Variants in C2CD3 observed in about 807,000 individuals in gnomAD.
C2CD3 encodes the protein C2 domain-containing protein 3.
A neutral mutation model predicts 234.0 loss-of-function variants in C2CD3; 148 were observed. The ratio of observed to expected loss-of-function variants is 0.63; its 90% CI spans 0.55 to 0.72. The LOEUF is 0.72. Ranked by LOEUF, C2CD3 falls within the 30% of genes least tolerant of loss-of-function variation. The pLI is 0.00. For missense variants in C2CD3, 2,577 were observed against 2,811.5 expected, an observed-to-expected ratio of 0.92 and a Z score of 1.89; for synonymous variants, 1,000 against 1,035.4, an observed-to-expected ratio of 0.97 and a Z score of 0.66.
At chr11:74,166,452 T>TGGCA (rs901785569) in intron 2 of C2CD3, among the ~76,000 whole-genome samples, 2 of 152,210 alleles carry the variant, frequency 1.3e-5, no homozygotes, top group African/African-American at 4.8e-5. Context: ...ATTTGGGTGC[T>TGGCA]GGCACATTTG....
intron 7 of C2CD3, among the ~76,000 whole-genome samples, chr11:74,126,405 C>G (rs966415206): frequency 1.3e-5 from 2 of 152,128 alleles, no homozygotes; most frequent in African/African-American, 4.8e-5. Flanking sequence ...CCATAAACAG[C>G]TTTATTGAGA....
intron 22 of C2CD3, among the ~76,000 whole-genome samples, chr11:74,080,054 A>T (rs1299320583): frequency 2.6e-5 from 4 of 152,208 alleles, no homozygotes; most frequent in African/African-American, 9.6e-5. Context: ...GCAGTTGCCT[A>T]AGTCTCATAT....
rs762278054 is a variant in C2CD3 at position 74,138,758 on chromosome 11, A to G, written c.917T>C (p.Leu306Pro). 43 of 1,612,944 alleles carry G rather than the reference A, an allele frequency of 2.7e-5. 1 individual carries two copies. Among genetic ancestry groups the G allele is most frequent in the Middle Eastern group, 1.6e-4 (1 of 6,080 alleles). The change falls in exon 5 of 33, where the codon CTT (leucine) becomes CCT (proline). Residue 306 changes from leucine (L) to proline (P), a missense_variant. Physicochemically the swap from Leu to Pro is moderately conservative, Grantham distance 98. Transcript: ENST00000334126. ...VAKSHSDSCI[L>P]SSNNLPTKDL... is the part of the protein sequence containing the mutation. ...CTTGGTAGGGAGGTTGTTTGAAGAA[A>G]GAATGCATGAGTCACTGTGACTCTT...
chr11:74,085,111 C>G, intron 21 of C2CD3, 141 bp from the exon 22 acceptor site: 2 of 533,034 alleles, frequency 3.8e-6, no homozygotes, highest in Admixed American at 3.3e-5. Context: ...CTTGCTCTTG[C>G]TCATGCCCCA....
At chr11:74,052,811 T>C (rs575380639) in intron 26 of C2CD3, among the ~76,000 whole-genome samples, 113 of 152,280 alleles carry the variant, frequency 7.4e-4, no homozygotes, top group Admixed American at 2.1e-3. Context: ...GAAAGGTCAG[T>C]CAATTCCCTT....
intron 3 of C2CD3, among the ~76,000 whole-genome samples, chr11:74,157,840 C>T (rs1269683396): frequency 6.6e-6 from 1 of 152,164 alleles, no homozygotes; most frequent in Non-Finnish European, 1.5e-5. Context: ...ATCTATCACA[C>T]AGTATGTATT....
intron 3 of C2CD3, among the ~76,000 whole-genome samples, chr11:74,153,428 T>C (rs1855809910): frequency 1.3e-5 from 2 of 152,214 alleles, no homozygotes; most frequent in Admixed American, 1.3e-4. Context: ...GATGACATCA[T>C]TGTCTATAGA....
chr11:74,084,615 TCAA>T (rs144241181), intron 22 of C2CD3, among the ~76,000 whole-genome samples: 1,713 of 152,016 alleles, frequency 0.011, 31 homozygotes, highest in African/African-American at 0.04. Flanking sequence ...ATCTATAAAA[TCAA>T]CCTCTTCTGC....
At chr11:74,090,780 G>A (rs759376323) in intron 20 of C2CD3, 33 bp downstream of exon 20, 2 of 1,613,292 alleles carry the variant, frequency 1.2e-6, no homozygotes. Flanking sequence ...CAGTGTAAAA[G>A]GCTTGAGAAT....
chr11:74,083,518 G>A (rs938950066), intron 22 of C2CD3, among the ~76,000 whole-genome samples: 14 of 152,210 alleles, frequency 9.2e-5, no homozygotes, highest in Admixed American at 8.5e-4. Flanking sequence ...CTACAGAATG[G>A]AAGAAAATTT....
chr11:74,145,965 C>A (rs1436743505), intron 3 of C2CD3, among the ~76,000 whole-genome samples: 1 of 152,092 alleles, frequency 6.6e-6, no homozygotes, highest in Non-Finnish European at 1.5e-5. Flanking sequence ...TTTATTTTGA[C>A]TTCAACAAGA....
intron 3 of C2CD3, among the ~76,000 whole-genome samples, chr11:74,158,722 CAA>C (rs199754445): frequency 2.3e-5 from 3 of 131,002 alleles, no homozygotes; most frequent in African/African-American, 2.7e-5. Context: ...AACTTCGTCT[CAA>C]AAAAAAAAAG....
Position 74,028,407 on chromosome 11 carries a change from G to A in C2CD3, c.6810-9C>T. Reference sequence around the variant, plus strand: ...CCACAATGGGCCCTGGGCTACAATGGTAGTTAAGGGACAAAAATACCTAGA... The same window carrying A: ...CCACAATGGGCCCTGGGCTACAATGATAGTTAAGGGACAAAAATACCTAGA... On this transcript the variant is annotated splice_polypyrimidine_tract_variant and intron_variant, in intron 31 of 32. Transcript: ENST00000334126. The A allele has an allele frequency of 6.6e-7, 1 of 1,523,086 alleles. No homozygotes were observed. The highest frequency in any genetic ancestry group is 8.8e-7 in the Non-Finnish European group (1 of 1,136,676). 94.3% of individuals were successfully genotyped at this position (1,523,086 alleles called of 1,614,324 possible). A position where few individuals can be genotyped will look rare whatever the true frequency, so the allele number is the denominator to read the frequency against.
chr11:74,103,786 C>T (rs1348352194), intron 13 of C2CD3, among the ~76,000 whole-genome samples, 161 bp from the exon 14 acceptor site: 3 of 152,132 alleles, frequency 2.0e-5, no homozygotes, highest in Non-Finnish European at 4.4e-5. Context: ...CATTAACTTG[C>T]TAGACTAAGA....
chr11:74,090,773 T>C (rs199704936), intron 20 of C2CD3, 40 bp downstream of exon 20: 9 of 1,612,220 alleles, frequency 5.6e-6, no homozygotes, highest in Non-Finnish European at 7.6e-6. Flanking sequence ...ATGATTGCAG[T>C]GTAAAAGGCT....
intron 26 of C2CD3, among the ~76,000 whole-genome samples, chr11:74,050,501 G>A (rs1383420593): frequency 2.0e-5 from 3 of 152,184 alleles, no homozygotes; most frequent in Non-Finnish European, 4.4e-5. Flanking sequence ...ACAGGTCTCT[G>A]TCACTCCATG....
chr11:74,046,917 G>A (rs1953401983), intron 28 of C2CD3, among the ~76,000 whole-genome samples: 1 of 152,304 alleles, frequency 6.6e-6, no homozygotes, highest in Non-Finnish European at 1.5e-5. Flanking sequence ...TAAGGCTGCT[G>A]TGAAAACCCA....
intron 24 of C2CD3, among the ~76,000 whole-genome samples, chr11:74,059,077 A>G (rs1459426239): frequency 6.6e-6 from 1 of 152,208 alleles, no homozygotes; most frequent in Non-Finnish European, 1.5e-5. Context: ...TTACAGATGA[A>G]GGAAAAGAGA....
intron 30 of C2CD3, chr11:74,036,377 G>T (rs1952742427): frequency 2.2e-6 from 1 of 453,532 alleles, no homozygotes; most frequent in Middle Eastern, 3.3e-4. Context: ...ACAGAATAGT[G>T]CCTGGCACAG....
Sources: gnomAD v4.1 joint callset for allele counts (sites outside exome capture counted in the v4.1 genomes callset) on GRCh38, gnomAD v4.1.1 for gene constraint, MANE v1.5 for transcripts, NCBI Gene and HGNC (gene_info 2026-07-23, HGNC 2026-07-21) for gene names.